MSRB2: variants seen among roughly 807,000 people sequenced by gnomAD.
MSRB2 encodes the protein methionine sulfoxide reductase B2.
MSRB2 carries 17 observed loss-of-function variants against 19.0 expected under a neutral mutation model. The observed-to-expected ratio is 0.89, with a 90% CI of 0.61 to 1.34. MSRB2 has a LOEUF of 1.34. Among genes scored for constraint, MSRB2 ranks in the 40% most tolerant of loss-of-function variants. The pLI, the probability that MSRB2 is intolerant of heterozygous loss-of-function variation, is 0.00. For synonymous variants in MSRB2, 107 were observed against 99.7 expected (o/e 1.07, Z -0.44); for missense variants, 208 against 237.6 (o/e 0.88, Z 0.82).
intron 3 of MSRB2, among the ~76,000 whole-genome samples, chr10:23,118,146 A>G: frequency 6.6e-6 from 1 of 152,134 alleles, no homozygotes; most frequent in Non-Finnish European, 1.5e-5. Flanking sequence ...CACAGACAAA[A>G]GCTCTCAGCA....
rs1223472513 is a variant in MSRB2 at position 23,121,869 on chromosome 10, T to C, written c.*1007T>C. The C allele has an allele frequency of 6.6e-6, 1 of 152,196 alleles. No individual in the cohort carries two copies. Among genetic ancestry groups the C allele is most frequent in the Non-Finnish European group, 1.5e-5 (1 of 68,040 alleles). The allele number at this position is 152,196 out of a possible 1,614,324, so 9.4% of individuals were successfully genotyped here. A position where few individuals can be genotyped will look rare whatever the true frequency, so the allele number is the denominator to read the frequency against. On this transcript the variant is annotated 3_prime_UTR_variant, in exon 5 of 5. Transcript: ENST00000376510. ...TTCAAAATTTTAAATGTCTTGAGCA[T>C]GCTACTTCCAACCATTCTACCCACA... is the stretch of plus-strand genomic sequence containing the variant.
chr10:23,120,080 G>A (rs1188387631), intron 4 of MSRB2, among the ~76,000 whole-genome samples: 1 of 152,170 alleles, frequency 6.6e-6, no homozygotes, highest in African/African-American at 2.4e-5. Flanking sequence ...TAAGGAGCAG[G>A]AAGTCCTTAT....
intron 1 of MSRB2, 45 bp downstream of exon 1, chr10:23,095,771 G>C (rs1839854185): frequency 1.7e-6 from 2 of 1,194,294 alleles, no homozygotes; most frequent in South Asian, 7.2e-5. Context: ...TACGGCTTTC[G>C]GCTTCATTTC....
At chr10:23,118,413 C>T (rs1228555866) in intron 3 of MSRB2, among the ~76,000 whole-genome samples, 1 of 137,540 alleles carries the variant, frequency 7.3e-6, no homozygotes, top group African/African-American at 2.8e-5. Flanking sequence ...GAGCCATTTC[C>T]TTGCCACAGC....
At chr10:23,098,659 C>G (rs1030975475) in intron 1 of MSRB2, among the ~76,000 whole-genome samples, 2 of 152,226 alleles carry the variant, frequency 1.3e-5, no homozygotes, top group Admixed American at 6.5e-5. Flanking sequence ...AAACCTCTCT[C>G]TAGCCACGGT....
intron 1 of MSRB2, among the ~76,000 whole-genome samples, chr10:23,099,330 T>C (rs1244827048): frequency 1.3e-5 from 2 of 152,240 alleles, no homozygotes; most frequent in Non-Finnish European, 2.9e-5. Flanking sequence ...CCTTCTAGGC[T>C]GGCAAATTCT....
At chr10:23,095,864 C>CG in intron 1 of MSRB2, 138 bp downstream of exon 1, 1 of 465,486 alleles carries the variant, frequency 2.1e-6, no homozygotes, top group Non-Finnish European at 3.4e-6. Context: ...CCCCTCCCCC[C>CG]CCCCAGCCCG....
intron 4 of MSRB2, among the ~76,000 whole-genome samples, chr10:23,120,281 T>G (rs1372777100): frequency 6.6e-6 from 1 of 152,226 alleles, no homozygotes; most frequent in African/African-American, 2.4e-5. Flanking sequence ...AAATTCATTT[T>G]GATATCCTTA....
At chr10:23,105,947 C>T (rs2147941) in intron 2 of MSRB2, among the ~76,000 whole-genome samples, 34,308 of 152,042 alleles carry the variant, frequency 0.23, 5,146 homozygotes, top group African/African-American at 0.43. Flanking sequence ...TTTGTGTAGA[C>T]TGCACAAGGG....
In MSRB2 at chr10:23,120,806, G is replaced by A. The variant is rs772472605; in HGVS notation, c.493G>A (p.Gly165Ser). Residue 165 changes from glycine (G) to serine (S), a missense_variant, in exon 5 of 5, where the codon GGT becomes AGT. Transcript: ENST00000376510. Reference protein sequence around the residue: ...HVFPDGPGPNGQRFCINSVAL... With the variant: ...HVFPDGPGPNSQRFCINSVAL... ...GTTTCCTGATGGACCTGGGCCCAAT[G>A]GTCAGAGGTTTTGCATCAACAGTGT... 1.5e-5 allele frequency: 25 copies of A among 1,614,098 alleles called. No homozygotes were observed. The highest frequency in any genetic ancestry group is 2.1e-5 in the Non-Finnish European group (25 of 1,180,016).
intron 3 of MSRB2, among the ~76,000 whole-genome samples, chr10:23,111,040 T>C (rs1840045517): frequency 6.6e-6 from 1 of 152,204 alleles, no homozygotes; most frequent in Non-Finnish European, 1.5e-5. Flanking sequence ...GAATAAAATA[T>C]AAATCAAGCC....
At chr10:23,100,542 C>A (rs1278900956) in intron 1 of MSRB2, among the ~76,000 whole-genome samples, 4 of 152,078 alleles carry the variant, frequency 2.6e-5, no homozygotes, top group Admixed American at 2.6e-4. Flanking sequence ...GGGGAGGCCT[C>A]GGGAAACTTA....
chr10:23,106,783 T>G (rs555070433), intron 2 of MSRB2, among the ~76,000 whole-genome samples: 68 of 152,292 alleles, frequency 4.5e-4, no homozygotes, highest in African/African-American at 1.6e-3. Context: ...TCAGAGTCAT[T>G]AGCCCAGGGA....
At chr10:23,099,310 C>T (rs924666037) in intron 1 of MSRB2, among the ~76,000 whole-genome samples, 3 of 152,224 alleles carry the variant, frequency 2.0e-5, no homozygotes, top group African/African-American at 7.2e-5. Context: ...TCTGTCTGCC[C>T]TTGACTGAGC....
chr10:23,117,736 A>G (rs920896319), intron 3 of MSRB2, among the ~76,000 whole-genome samples: 1 of 152,176 alleles, frequency 6.6e-6, no homozygotes, highest in East Asian at 1.9e-4. Flanking sequence ...GACTACAGGC[A>G]TGCACCACCA....
rs140014803 is a variant in MSRB2 at position 23,115,589 on chromosome 10, G to A, written c.297-3715G>A. On this transcript the variant is annotated intron_variant, in intron 3 of 4. Transcript: ENST00000376510. Reference sequence around the variant, plus strand: ...CAAGGAAAACCAAAGCAAATAAAACGAAACAAAGTAAAAATCCCTTAGAGT... The same window carrying A: ...CAAGGAAAACCAAAGCAAATAAAACAAAACAAAGTAAAAATCCCTTAGAGT... 1.4e-3 allele frequency among the ~76,000 whole-genome samples: 219 copies of A among 152,228 alleles called. 2 individuals are homozygous for A. Among genetic ancestry groups the A allele is most frequent in the African/African-American group, 4.8e-3 (201 of 41,568 alleles).
At position 23,110,302 on chromosome 10, in the gene MSRB2, G is replaced by C. The variant is rs754558586; in HGVS notation, c.280G>C (p.Asp94His). ...AGGAATGTATCATTGCGTGTGCTGCGACAGTCCACTCTTCAGGTAAGATAA... is the reference window on the plus strand; with the variant it reads ...AGGAATGTATCATTGCGTGTGCTGCCACAGTCCACTCTTCAGGTAAGATAA... ...EAGMYHCVCC[D>H]SPLFSSEKKY... is the part of the protein sequence containing the mutation. The change falls in exon 3 of 5, where the codon GAC becomes CAC. Residue 94 changes from aspartate (D) to histidine (H), a missense_variant. Physicochemically the swap from Asp to His is moderately conservative, Grantham distance 81. Coordinates refer to ENST00000376510, the MANE Select transcript of MSRB2 (RefSeq NM_012228.4). 1.2e-6 allele frequency: 2 copies of C among 1,613,748 alleles called. No homozygotes were observed. The highest frequency in any genetic ancestry group is 3.3e-5 in the Admixed American group (2 of 60,002).
intron 3 of MSRB2, among the ~76,000 whole-genome samples, chr10:23,114,991 G>A (rs761726410): frequency 2.2e-4 from 33 of 152,278 alleles, no homozygotes; most frequent in Admixed American, 8.5e-4. Context: ...ATCCCAGCCA[G>A]TGTAACTCAT....
chr10:23,108,984 T>C (rs1232073918), intron 2 of MSRB2, among the ~76,000 whole-genome samples: 1 of 152,244 alleles, frequency 6.6e-6, no homozygotes, highest in African/African-American at 2.4e-5. Context: ...GCAAATGTGC[T>C]GTTAATACTA....
Sources: gnomAD v4.1 joint callset for allele counts (sites outside exome capture counted in the v4.1 genomes callset) on GRCh38, gnomAD v4.1.1 for gene constraint, MANE v1.5 for transcripts, NCBI Gene and HGNC (gene_info 2026-07-23, HGNC 2026-07-21) for gene names.